The following NDST4 variants were observed in gnomAD, a reference collection of about 807,000 sequenced individuals.
The protein encoded by NDST4 is N-deacetylase and N-sulfotransferase 4, also known as N-heparan sulfate sulfotransferase 4.
A neutral mutation model predicts 100.8 loss-of-function variants in NDST4; 63 were observed. The observed-to-expected ratio is 0.62, with a 90% confidence interval of 0.51 to 0.77. NDST4 has a LOEUF of 0.77. Ranked by LOEUF, NDST4 falls within the 30% of genes least tolerant of loss-of-function variation. The pLI, the probability that NDST4 is intolerant of heterozygous loss-of-function variation, is 0.00. For synonymous variants in NDST4, 377 were observed against 361.8 expected, an observed-to-expected ratio of 1.04 and a Z score of -0.48; for missense variants, 943 against 1,018.4, an observed-to-expected ratio of 0.93 and a Z score of 1.01.
At chr4:114,855,532 T>A (rs957414608) in intron 7 of NDST4, among the ~76,000 whole-genome samples, 1 of 152,198 alleles carries the variant, frequency 6.6e-6, no homozygotes, top group African/African-American at 2.4e-5. Flanking sequence ...GAAGAATCTA[T>A]CTTTTCCCCA....
At chr4:114,945,583 A>G (rs1725844867) in intron 4 of NDST4, among the ~76,000 whole-genome samples, 1 of 152,226 alleles carries the variant, frequency 6.6e-6, no homozygotes, top group Admixed American at 6.5e-5. Context: ...ACAATAAAAT[A>G]ATGACTGCAT....
chr4:115,051,856 T>C (rs962466159), intron 2 of NDST4, among the ~76,000 whole-genome samples: 22 of 152,288 alleles, frequency 1.4e-4, no homozygotes, highest in African/African-American at 5.1e-4. Context: ...ATAGTGTTTG[T>C]ACTAATTTAC....
chr4:114,853,249 TTTC>T (rs146508017), intron 7 of NDST4, among the ~76,000 whole-genome samples: 5,764 of 152,214 alleles, frequency 0.038, 332 homozygotes, highest in African/African-American at 0.13. Flanking sequence ...AACTTTTCCT[TTTC>T]ATTTCATTTC....
chr4:114,917,833 A>G (rs1322882018), intron 6 of NDST4, among the ~76,000 whole-genome samples: 2 of 152,210 alleles, frequency 1.3e-5, no homozygotes, highest in African/African-American at 4.8e-5. Context: ...AATAAAAACA[A>G]TACTAGTCTC....
intron 4 of NDST4, among the ~76,000 whole-genome samples, chr4:114,942,666 T>G (rs1244932335): frequency 2.0e-5 from 3 of 152,074 alleles, no homozygotes; most frequent in Admixed American, 1.3e-4. Context: ...TGTGTTACAG[T>G]GATTTTTCTA....
At chr4:115,048,541 G>T (rs1204559893) in intron 2 of NDST4, among the ~76,000 whole-genome samples, 1 of 152,142 alleles carries the variant, frequency 6.6e-6, no homozygotes, top group Non-Finnish European at 1.5e-5. Context: ...CAGTCTACGA[G>T]AATTTTTAAG....
At chr4:114,969,593 T>G (rs567250135) in intron 4 of NDST4, among the ~76,000 whole-genome samples, 9 of 152,300 alleles carry the variant, frequency 5.9e-5, no homozygotes, top group African/African-American at 1.9e-4. Context: ...TGTGTCAGTT[T>G]GCTTAGGATT....
intron 2 of NDST4, among the ~76,000 whole-genome samples, chr4:115,056,759 A>G (rs1264901730): frequency 6.6e-6 from 1 of 152,210 alleles, no homozygotes. Flanking sequence ...TAGACTGTCA[A>G]GACCATGACT....
chr4:115,090,119 T>C (rs1729486855), intron 1 of NDST4, among the ~76,000 whole-genome samples: 1 of 151,838 alleles, frequency 6.6e-6, no homozygotes, highest in Admixed American at 6.6e-5. Flanking sequence ...CAATCATTAA[T>C]TTTTTATGTT....
rs76530496 is a variant in NDST4, at chr4:114,918,204, C to G, written c.1536+17002G>C. ...TTATTAAAAATGTTAAAATATGCCCCTGGCTGACAAAATGGGCTCCTCATG... is the reference window on the plus strand; with the variant it reads ...TTATTAAAAATGTTAAAATATGCCCGTGGCTGACAAAATGGGCTCCTCATG... On this transcript the variant is annotated intron_variant, in intron 6 of 13. Transcript: ENST00000264363. Among the ~76,000 whole-genome samples the G allele has an allele frequency of 8.0e-3, 1,213 of 151,928 alleles. 12 individuals are homozygous for G. Among genetic ancestry groups the G allele is most frequent in the Non-Finnish European group, 0.014 (972 of 67,968 alleles).
rs560047406 is a variant in NDST4 at position 114,837,288 on chromosome 4, T to G, written c.2286+2090A>C. 2.2e-4 allele frequency among the ~76,000 whole-genome samples: 34 copies of G among 152,270 alleles called. No homozygotes were observed. The South Asian group carries it at 7.0e-3, about 32-fold the overall frequency. On this transcript the variant is annotated intron_variant, in intron 11 of 13. Transcript: ENST00000264363. ...TTTGATCTTTGAGGCTGATAACCTT[T>G]GGATGGGGTTTTTGTGTGGGGGTAC... is the stretch of plus-strand genomic sequence containing the variant.
intron 6 of NDST4, among the ~76,000 whole-genome samples, chr4:114,890,776 C>T (rs1014713211): frequency 1.3e-5 from 2 of 152,040 alleles, no homozygotes; most frequent in Non-Finnish European, 2.9e-5. Context: ...ATTAACCATT[C>T]CCTGCTCCTT....
rs138083112 is a variant in NDST4 at position 114,951,508 on chromosome 4, A to G, written c.1222-14005T>C. ...AAATATGGTAAAACTGATGATAACC[A>G]TAATGATAATGATGACAAATACTTT... is the stretch of plus-strand genomic sequence containing the variant. On this transcript the variant is annotated intron_variant, in intron 4 of 13. Coordinates refer to ENST00000264363, the MANE Select transcript of NDST4 (RefSeq NM_022569.3). Among the ~76,000 whole-genome samples, 1,118 of 152,256 alleles carry G rather than the reference A, an allele frequency of 7.3e-3. 15 individuals are homozygous for G. Among genetic ancestry groups the G allele is most frequent in the Middle Eastern group, 0.017 (5 of 294 alleles).
intron 6 of NDST4, among the ~76,000 whole-genome samples, chr4:114,924,117 T>C (rs1433647012): frequency 1.3e-5 from 2 of 152,080 alleles, no homozygotes; most frequent in African/African-American, 2.4e-5. Flanking sequence ...GGCAAACATA[T>C]TTTGGTCATT....
Position 115,072,193 on chromosome 4 carries a change from G to A in NDST4, c.978+3866C>T, listed in dbSNP as rs770827502. Among the ~76,000 whole-genome samples, 8 of 151,974 alleles carry A rather than the reference G, an allele frequency of 5.3e-5. No homozygotes were observed. In the South Asian group the frequency reaches 6.2e-4, roughly 12 times the overall value. On this transcript the variant is annotated intron_variant, in intron 2 of 13. Coordinates refer to ENST00000264363, the MANE Select transcript of NDST4 (RefSeq NM_022569.3). The stretch of plus-strand genomic sequence containing the variant: ...GAAAAGCATACAAAATAATCTTGAA[G>A]GACTTGAAGAAGGCACCAATAAATG...
intron 4 of NDST4, among the ~76,000 whole-genome samples, chr4:114,949,937 C>T (rs1344366101): frequency 6.6e-6 from 1 of 151,884 alleles, no homozygotes; most frequent in Non-Finnish European, 1.5e-5. Flanking sequence ...ATGTAAATTC[C>T]CTGTTACTAA....
At chr4:115,013,370 T>TATAC (rs74678897) in intron 2 of NDST4, among the ~76,000 whole-genome samples, 1,970 of 71,400 alleles carry the variant, frequency 0.028, 96 homozygotes, top group African/African-American at 0.076. Flanking sequence ...TATATATATA[T>TATAC]ACACACACAT....
chr4:114,956,080 C>T (rs1279787261), intron 4 of NDST4: 5 of 152,214 alleles, frequency 3.3e-5, no homozygotes, highest in African/African-American at 1.2e-4. Context: ...TGCAGAAGGC[C>T]AAGAATACTG....
chr4:115,008,530 C>G (rs1317119932), intron 2 of NDST4, among the ~76,000 whole-genome samples: 1 of 128,372 alleles, frequency 7.8e-6, no homozygotes. Context: ...ATTGATGGGA[C>G]ATATCTCAAA....
Sources: allele counts gnomAD v4.1 joint callset (sites outside exome capture counted in the v4.1 genomes callset), GRCh38; gene constraint gnomAD v4.1.1; transcripts MANE v1.5; gene names NCBI Gene and HGNC (gene_info 2026-07-23, HGNC 2026-07-21).